The following NPNT variants were observed in gnomAD, a reference collection of about 807,000 sequenced individuals.
NPNT encodes nephronectin.
Under a neutral mutation model 68.6 loss-of-function variants are expected in NPNT, and 45 were observed. The observed-to-expected ratio is 0.66, with a 90% confidence interval of 0.52 to 0.84. The LOEUF (loss-of-function observed/expected upper bound fraction) is 0.84. NPNT is among the 40% of genes least tolerant of loss of function. The pLI, the probability that NPNT is intolerant of heterozygous loss-of-function variation, is 0.00. For missense variants in NPNT, 672 were observed against 714.8 expected, an observed-to-expected ratio of 0.94 and a Z score of 0.68; for synonymous variants, 233 against 253.3, an observed-to-expected ratio of 0.92 and a Z score of 0.76.
intron 2 of NPNT, chr4:105,912,330 C>T (rs2149332797): frequency 2.3e-6 from 2 of 882,788 alleles, no homozygotes; most frequent in South Asian, 3.2e-5. Flanking sequence ...GTAAACAAAA[C>T]ATTAGTTGTG....
Position 105,942,952 on chromosome 4 carries a change from T to A in NPNT, c.1159+250T>A, listed in dbSNP as rs145144674. Among the ~76,000 whole-genome samples, 13 of 152,352 alleles carry A rather than the reference T, an allele frequency of 8.5e-5. No individual in the cohort carries two copies. In the East Asian group the frequency reaches 2.5e-3, roughly 29 times the overall value. ...GGTAGATGACAGCTCTTAGCCAGTA[T>A]GGGAATTCTGACATAGTTGGATTTA... On this transcript the variant is annotated intron_variant, in intron 8 of 11. Coordinates refer to ENST00000379987, the MANE Select transcript of NPNT (RefSeq NM_001033047.3).
intron 7 of NPNT, among the ~76,000 whole-genome samples, 196 bp from the exon 8 acceptor site, chr4:105,942,105 CTGTGTG>C (rs143566124): frequency 6.8e-6 from 1 of 147,200 alleles, no homozygotes; most frequent in African/African-American, 2.5e-5. Context: ...ATGTGTGTGT[CTGTGTG>C]TGTGTATATA....
At position 105,970,103 on chromosome 4, in the gene NPNT, G is replaced by C. The variant is rs556247568; in HGVS notation, c.*1113G>C. 6 of 340,360 alleles carry C rather than the reference G, an allele frequency of 1.8e-5. No individual in the cohort carries two copies. Among genetic ancestry groups the C allele is most frequent in the Middle Eastern group, 8.4e-4 (1 of 1,194 alleles). 21.1% of individuals were successfully genotyped at this position (340,360 alleles called of 1,614,324 possible). Reference sequence around the variant, plus strand: ...TTTTAAATTGATATAAGTTTAGGCAGTTGTAGTTCATAACTTATGTTGCTC... The same window carrying C: ...TTTTAAATTGATATAAGTTTAGGCACTTGTAGTTCATAACTTATGTTGCTC... On this transcript the variant is annotated 3_prime_UTR_variant, in exon 12 of 12. Coordinates refer to ENST00000379987, the MANE Select transcript of NPNT (RefSeq NM_001033047.3).
At chr4:105,936,518 C>G (rs1257558123) in intron 3 of NPNT, among the ~76,000 whole-genome samples, 1 of 152,144 alleles carries the variant, frequency 6.6e-6, no homozygotes, top group Non-Finnish European at 1.5e-5. Context: ...TTCTCAAAGT[C>G]CAAGCCTTAA....
chr4:105,896,075 A>G, intron 1 of NPNT: 1 of 268,094 alleles, frequency 3.7e-6, no homozygotes, highest in South Asian at 5.9e-5. Context: ...AACATCCCTT[A>G]CCCGGGAAAC....
chr4:105,932,043 G>T (rs1729155946), intron 3 of NPNT, among the ~76,000 whole-genome samples: 2 of 152,224 alleles, frequency 1.3e-5, no homozygotes, highest in South Asian at 4.1e-4. Context: ...AGCTTCTCAT[G>T]TATGTTCCAG....
At chr4:105,956,030 T>C (rs1420400667) in intron 8 of NPNT, among the ~76,000 whole-genome samples, 2 of 152,330 alleles carry the variant, frequency 1.3e-5, no homozygotes, top group East Asian at 3.9e-4. Flanking sequence ...CATCTGCTGC[T>C]AAATTAAATG....
intron 8 of NPNT, among the ~76,000 whole-genome samples, chr4:105,947,217 C>A (rs1429633294): frequency 6.6e-6 from 1 of 152,070 alleles, no homozygotes; most frequent in African/African-American, 2.4e-5. Context: ...TCCCTAAAAT[C>A]GCTGTTATTG....
chr4:105,951,596 G>A (rs1417385513), intron 8 of NPNT, among the ~76,000 whole-genome samples: 2 of 152,202 alleles, frequency 1.3e-5, no homozygotes, highest in Non-Finnish European at 2.9e-5. Context: ...AAGACCTGCA[G>A]AGACCCTGAG....
chr4:105,924,762 G>A (rs372127311), intron 2 of NPNT, among the ~76,000 whole-genome samples: 2 of 151,690 alleles, frequency 1.3e-5, no homozygotes, highest in East Asian at 1.9e-4. Context: ...TACAGCCTGG[G>A]GGCCTCAAGT....
rs776733368 is a variant in NPNT, at chr4:105,940,185, A to G, written c.616A>G (p.Ile206Val). The change falls in exon 6 of 12, where the codon ATT (isoleucine) becomes GTT (valine). Residue 206 changes from isoleucine to valine, a missense_variant. Transcript: ENST00000379987. ...TCATAAAGGCTTCGATCTCATGTAT[A>G]TTGGAGGCAAATATCAATGTCATGG... ...KCHKGFDLMY[I>V]GGKYQCHDID... is the part of the protein sequence containing the mutation. 7 of 1,613,430 alleles carry G rather than the reference A, an allele frequency of 4.3e-6. No individual in the cohort carries two copies. Among genetic ancestry groups the G allele is most frequent in the Non-Finnish European group, 5.1e-6 (6 of 1,179,602 alleles).
intron 2 of NPNT, among the ~76,000 whole-genome samples, chr4:105,899,904 G>C (rs1366049567): frequency 2.6e-5 from 4 of 152,204 alleles, no homozygotes; most frequent in Non-Finnish European, 5.9e-5. Context: ...GTGGGGCTGA[G>C]AAGTAAGCTT....
chr4:105,924,459 C>T (rs567161915), intron 2 of NPNT, among the ~76,000 whole-genome samples: 23 of 152,166 alleles, frequency 1.5e-4, no homozygotes, highest in Non-Finnish European at 2.6e-4. Flanking sequence ...AGTATCCTAC[C>T]GCATTTAATA....
intron 2 of NPNT, among the ~76,000 whole-genome samples, chr4:105,898,502 A>C (rs1009776599): frequency 3.3e-5 from 5 of 152,142 alleles, no homozygotes; most frequent in Admixed American, 2.0e-4. Context: ...TGAACCTTAG[A>C]GTACTTATAT....
intron 10 of NPNT, among the ~76,000 whole-genome samples, chr4:105,965,360 C>CAAAA (rs367576063): frequency 0.022 from 1,543 of 71,732 alleles, 17 homozygotes; most frequent in African/African-American, 0.033. Flanking sequence ...TCTTCATGGC[C>CAAAA]AAAAAAAAAA....
chr4:105,936,995 C>T lies in NPNT; in HGVS notation c.266-14C>T. The T allele has an allele frequency of 6.2e-7, 1 of 1,608,328 alleles. No homozygotes were observed. Among genetic ancestry groups the T allele is most frequent in the Non-Finnish European group, 8.5e-7 (1 of 1,177,860 alleles). On this transcript the variant is annotated splice_polypyrimidine_tract_variant and intron_variant, in intron 3 of 11. Transcript: ENST00000379987. ...GTTTTGTAATTTTTCTGCTTCAACC[C>T]ACATTGTTTTCAGATCTAAATGAGT...
chr4:105,963,599 C>T (rs1432553238), intron 10 of NPNT, among the ~76,000 whole-genome samples: 2 of 151,890 alleles, frequency 1.3e-5, no homozygotes, highest in Non-Finnish European at 2.9e-5. Flanking sequence ...AGGTATGTAG[C>T]TGTGGCCCTG....
chr4:105,949,730 A>G (rs1730671798), intron 8 of NPNT, among the ~76,000 whole-genome samples: 1 of 152,230 alleles, frequency 6.6e-6, no homozygotes, highest in Non-Finnish European at 1.5e-5. Flanking sequence ...AACATGTTTT[A>G]TGGAAAATAT....
chr4:105,927,225 T>G, intron 2 of NPNT, 111 bp from the exon 3 acceptor site: 1 of 634,630 alleles, frequency 1.6e-6, no homozygotes, highest in Non-Finnish European at 2.8e-6. Flanking sequence ...GGCTACTTTG[T>G]TGTAAGTTCT....
Sources: allele counts gnomAD v4.1 joint callset (sites outside exome capture counted in the v4.1 genomes callset), GRCh38; gene constraint gnomAD v4.1.1; transcripts MANE v1.5; gene names NCBI Gene and HGNC (gene_info 2026-07-23, HGNC 2026-07-21).